Variants in EXD3 observed in about 807,000 individuals in gnomAD.
The protein encoded by EXD3 is exonuclease 3'-5' domain containing 3.
Under a neutral mutation model 98.0 loss-of-function variants are expected in EXD3, and 92 were observed. The observed-to-expected ratio is 0.94, with a 90% CI of 0.79 to 1.12. EXD3 has a LOEUF of 1.12. Among genes scored for constraint, EXD3 ranks in the 50% most tolerant of loss-of-function variants. The probability of loss-of-function intolerance (pLI) is 0.00; values close to 1 mark genes in which losing one functional copy is unlikely to be tolerated. For synonymous variants in EXD3, 569 were observed against 526.0 expected (o/e 1.08, Z -1.12); for missense variants, 1,222 against 1,191.6 (o/e 1.03, Z -0.38).
intron 19 of EXD3, among the ~76,000 whole-genome samples, chr9:137,318,789 C>T (rs1051996788): frequency 2.6e-5 from 4 of 152,310 alleles, no homozygotes; most frequent in East Asian, 1.9e-4. Context: ...GCAACCCCAG[C>T]GCCCAGGAGT....
chr9:137,345,961 G>C (rs1436868181), intron 17 of EXD3: 3 of 151,964 alleles, frequency 2.0e-5, no homozygotes, highest in Non-Finnish European at 2.9e-5. Flanking sequence ...TTCACTAAGA[G>C]CTTGGAACAG....
chr9:137,351,125 C>T lies in EXD3; in HGVS notation c.1407G>A (p.Leu469=), dbSNP rs370979117. ...CGGGGCAGGACGTGCCCAGTTTTTG[C>T]AGGTCCCCCACCATCCCGTAGCCTG... The part of the protein sequence containing the change: ...TKLGYGMVGD[L]QKLGTSCPAL... Residue 469 remains leucine, a synonymous_variant, in exon 14 of 22, where the codon CTG becomes CTA. Coordinates refer to ENST00000340951, the MANE Select transcript of EXD3 (RefSeq NM_017820.5). 1.3e-6 allele frequency: 2 copies of T among 1,580,532 alleles called. No homozygotes were observed. Among genetic ancestry groups the T allele is most frequent in the African/African-American group, 1.3e-5 (1 of 74,130 alleles).
In EXD3 at chr9:137,407,266, G is replaced by A. The variant is rs1168925465; in HGVS notation, c.-47-11862C>T. 4.7e-4 allele frequency among the ~76,000 whole-genome samples: 71 copies of A among 152,196 alleles called. No individual in the cohort carries two copies. Among genetic ancestry groups the A allele is most frequent in the Non-Finnish European group, 2.9e-5 (2 of 68,024 alleles). On this transcript the variant is annotated intron_variant, in intron 1 of 21. Coordinates refer to ENST00000340951, the MANE Select transcript of EXD3 (RefSeq NM_017820.5). The surrounding 1 kb of genome is among the most constrained non-coding windows in gnomAD (Gnocchi z 4.4). Reference sequence around the variant, plus strand: ...CAGGCTGGGTCTCCGTTTCCCACCAGGCCAGCGCTGCAGGCAGAGCCCAGC... The same window carrying A: ...CAGGCTGGGTCTCCGTTTCCCACCAAGCCAGCGCTGCAGGCAGAGCCCAGC...
rs558951800 is a variant in EXD3 at position 137,394,751 on chromosome 9, C to G, written c.55+552G>C. 8.7e-3 allele frequency among the ~76,000 whole-genome samples: 1,327 copies of G among 152,296 alleles called. 10 individuals carry two copies. Among genetic ancestry groups the G allele is most frequent in the Non-Finnish European group, 0.014 (955 of 68,014 alleles). ...GGCTTTGCCCACAGGGAAGGTGCCT[C>G]TCATTTCTCTTTTTTAACCTGAAAA... is the stretch of plus-strand genomic sequence containing the variant. On this transcript the variant is annotated intron_variant, in intron 2 of 21. Coordinates refer to ENST00000340951, the MANE Select transcript of EXD3 (RefSeq NM_017820.5).
At chr9:137,376,502 G>A (rs753040075) in intron 3 of EXD3, among the ~76,000 whole-genome samples, 6 of 152,126 alleles carry the variant, frequency 3.9e-5, no homozygotes, top group African/African-American at 7.2e-5. Context: ...GTAGATTTAC[G>A]GCCCAAAGTG....
rs970815317 is a variant in EXD3, at chr9:137,420,742, C to CA, written c.-48+2371_-48+2372insT. Among the ~76,000 whole-genome samples, 21 of 147,308 alleles carry CA rather than the reference C, an allele frequency of 1.4e-4. 1 individual carries two copies. The highest frequency in any genetic ancestry group is 3.7e-4 in the African/African-American group (15 of 40,498). The stretch of plus-strand genomic sequence containing the variant: ...GACCTGGAGGACAGACATTCACCCC[C>CA]CCCCCCAAATTCATACAGGTATTAT... On this transcript the variant is annotated intron_variant, in intron 1 of 21. Transcript: ENST00000340951.
chr9:137,376,276 G>A (rs925020803), intron 3 of EXD3, among the ~76,000 whole-genome samples: 1 of 150,076 alleles, frequency 6.7e-6, no homozygotes, highest in African/African-American at 2.5e-5. Flanking sequence ...CCCAGGAGGC[G>A]GAGCTTGCAG....
intron 8 of EXD3, 111 bp from the exon 9 acceptor site, chr9:137,354,884 C>A: frequency 9.3e-7 from 1 of 1,076,538 alleles, no homozygotes; most frequent in South Asian, 1.5e-5. Context: ...CTTCACCGTC[C>A]TCCACCTCTG....
At chr9:137,354,896 C>G (rs1183862871) in intron 8 of EXD3, 123 bp from the exon 9 acceptor site, 1 of 970,322 alleles carries the variant, frequency 1.0e-6, no homozygotes, top group Non-Finnish European at 1.5e-6. Flanking sequence ...CCACCTCTGC[C>G]CCGGAGCCCA....
chr9:137,337,672 G>C (rs9695086), intron 17 of EXD3, among the ~76,000 whole-genome samples: 1 of 151,362 alleles, frequency 6.6e-6, no homozygotes, highest in African/African-American at 2.4e-5. Context: ...TGTTTTGAAC[G>C]ACACATTTGG....
chr9:137,397,156 C>T (rs1837258157), intron 1 of EXD3, among the ~76,000 whole-genome samples: 3 of 152,220 alleles, frequency 2.0e-5, no homozygotes, highest in Admixed American at 6.5e-5. Flanking sequence ...AGGACCCCAT[C>T]AACACACAAC....
rs1300929916 is a variant in EXD3, at chr9:137,410,274, CAGG to C, written c.-48+12837_-48+12839del. ...CTGAGGAGGGCAGATCACTTGAGGC[CAGG>C]AGTTCAAAACCAGCCTGGCCAACAT... On this transcript the variant is annotated intron_variant, in intron 1 of 21. Coordinates refer to ENST00000340951, the MANE Select transcript of EXD3 (RefSeq NM_017820.5). 2.6e-5 allele frequency among the ~76,000 whole-genome samples: 4 copies of C among 151,870 alleles called. No individual in the cohort carries two copies. The East Asian group carries it at 7.7e-4, about 29-fold the overall frequency.
chr9:137,354,258 C>T, intron 10 of EXD3, 81 bp downstream of exon 10: 1 of 1,569,592 alleles, frequency 6.4e-7, no homozygotes, highest in Non-Finnish European at 8.6e-7. Flanking sequence ...TGCGCACTTC[C>T]ACCAGGAGGC....
At chr9:137,307,404 G>T in intron 21 of EXD3, 141 bp from the exon 22 acceptor site, 1 of 1,349,568 alleles carries the variant, frequency 7.4e-7, no homozygotes, top group Non-Finnish European at 9.8e-7. Context: ...CCTATCCGCT[G>T]ACTCTGCGTC....
At position 137,307,222 on chromosome 9, in the gene EXD3, G is replaced by A. The variant is rs185546260; in HGVS notation, c.2359C>T (p.Arg787Cys). 8 of 1,571,980 alleles carry A rather than the reference G, an allele frequency of 5.1e-6. No individual in the cohort carries two copies. Among genetic ancestry groups the A allele is most frequent in the African/African-American group, 2.7e-5 (2 of 74,166 alleles). ...GCCATCTGCAGCCAGCGGCAGGGGCGGTCATAGGTGCAGCCCTCAGGGGCT... is the reference window on the plus strand; with the variant it reads ...GCCATCTGCAGCCAGCGGCAGGGGCAGTCATAGGTGCAGCCCTCAGGGGCT... ...DAAPEGCTYD[R>C]PCRWLQMADL... is the part of the protein sequence containing the mutation. Residue 787 changes from arginine (R) to cysteine (C), a missense_variant, in exon 22 of 22, where the codon CGC (arginine) becomes TGC (cysteine). Physicochemically the swap from Arg to Cys is radical, Grantham distance 180. Coordinates refer to ENST00000340951, the MANE Select transcript of EXD3 (RefSeq NM_017820.5).
At chr9:137,348,765 G>T (rs1371182283) in intron 16 of EXD3, among the ~76,000 whole-genome samples, 2 of 126,964 alleles carry the variant, frequency 1.6e-5, no homozygotes, top group South Asian at 3.1e-4. Flanking sequence ...GTTAGATAGA[G>T]AGGGGAGGGG....
Position 137,403,252 on chromosome 9 carries a change from C to A in EXD3, c.-47-7848G>T, listed in dbSNP as rs1235095957. ...TTGGGGGCACCCCAGGAGTGGGGCC[C>A]CACTGTGAGTGACCTGAGGGGCCCC... is the stretch of plus-strand genomic sequence containing the variant. On this transcript the variant is annotated intron_variant, in intron 1 of 21. Coordinates refer to ENST00000340951, the MANE Select transcript of EXD3 (RefSeq NM_017820.5). This position sits in a 1 kb window ranked among gnomAD's most constrained non-coding sequence, Gnocchi z 6.1. Among the ~76,000 whole-genome samples the A allele has an allele frequency of 2.0e-5, 3 of 151,862 alleles. No individual in the cohort carries two copies.
chr9:137,369,913 G>C (rs1425623757), intron 5 of EXD3, among the ~76,000 whole-genome samples: 3 of 152,220 alleles, frequency 2.0e-5, no homozygotes, highest in Non-Finnish European at 2.9e-5. Context: ...CTGGGCACCC[G>C]GGGCCTCTTG....
rs771616151 is a variant in EXD3, at chr9:137,323,713, C to T, written c.2184+12G>A. On this transcript the variant is annotated intron_variant, in intron 19 of 21. Transcript: ENST00000340951. ...TGCCAGCCCCAGGTAGGACGGGGTG[C>T]GCAGGACCCACCTGGCAGCGGCTGA... is the stretch of plus-strand genomic sequence containing the variant. The T allele has an allele frequency of 6.2e-6, 10 of 1,610,712 alleles. No individual in the cohort carries two copies. Among genetic ancestry groups the T allele is most frequent in the South Asian group, 2.2e-5 (2 of 90,910 alleles).
Sources: gnomAD v4.1 joint callset for allele counts (sites outside exome capture counted in the v4.1 genomes callset) on GRCh38, gnomAD v4.1.1 for gene constraint, Gnocchi (gnomAD v3.1) non-coding constraint, MANE v1.5 for transcripts, NCBI Gene and HGNC (gene_info 2026-07-23, HGNC 2026-07-21) for gene names.